Variants in SOS1 observed in about 807,000 individuals in gnomAD.
The protein encoded by SOS1 is SOS Ras/Rac guanine nucleotide exchange factor 1.
Under a neutral mutation model 157.6 loss-of-function variants are expected in SOS1, and 25 were observed. That is an observed-to-expected ratio of 0.16 (90% CI 0.12 to 0.22). The LOEUF (loss-of-function observed/expected upper bound fraction) is 0.22. Among genes scored for constraint, SOS1 ranks in the 10% least tolerant of loss-of-function variants. The probability of loss-of-function intolerance (pLI) is 1.00; values close to 1 mark genes in which losing one functional copy is unlikely to be tolerated. For synonymous variants in SOS1, 528 were observed against 534.0 expected (o/e 0.99, Z 0.16); for missense variants, 1,237 against 1,599.1 (o/e 0.77, Z 3.86).
intron 1 of SOS1, among the ~76,000 whole-genome samples, chr2:39,072,558 G>A (rs539559948): frequency 1.3e-5 from 2 of 152,236 alleles, no homozygotes; most frequent in African/African-American, 4.8e-5. Flanking sequence ...AAATGCAATG[G>A]TTAAAGACAA....
At chr2:39,084,055 C>A (rs187747968) in intron 1 of SOS1, among the ~76,000 whole-genome samples, 5 of 152,200 alleles carry the variant, frequency 3.3e-5, no homozygotes, top group Admixed American at 3.3e-4. Context: ...CGTGAAGAAA[C>A]AGGGAGAAGA....
At chr2:38,997,606 ATT>A (rs4015854) in intron 17 of SOS1, among the ~76,000 whole-genome samples, 181 bp from the exon 18 acceptor site, 2 of 146,298 alleles carry the variant, frequency 1.4e-5, no homozygotes. Flanking sequence ...AAAGACTTAA[ATT>A]TTTTTTTTTT....
At chr2:39,089,019 T>C (rs1572884064) in intron 1 of SOS1, among the ~76,000 whole-genome samples, 1 of 152,340 alleles carries the variant, frequency 6.6e-6, no homozygotes, top group Admixed American at 6.5e-5. Flanking sequence ...CCACCCTAAT[T>C]GGTATGAAGT....
In SOS1 at chr2:39,067,642, C is replaced by A; in HGVS notation, c.199G>T (p.Ala67Ser). ...ATTTGTCATACCTCTACATCTGAAG[C>A]ACTTCGGGGCTGAGCTTGGCATAGC... ...NMLCQAQPRS[A>S]SDVEERVQKS... Residue 67 changes from alanine (A) to serine (S), a missense_variant, in exon 2 of 23, where the codon GCT becomes TCT. Physicochemically the swap from Ala to Ser is moderately conservative, Grantham distance 99. Coordinates refer to ENST00000402219, the MANE Select transcript of SOS1 (RefSeq NM_005633.4). The A allele has an allele frequency of 6.2e-7, 1 of 1,613,430 alleles. No homozygotes were observed. Among genetic ancestry groups the A allele is most frequent in the Non-Finnish European group, 8.5e-7 (1 of 1,179,414 alleles).
intron 8 of SOS1, among the ~76,000 whole-genome samples, chr2:39,026,205 A>G (rs537600142): frequency 6.6e-6 from 1 of 152,122 alleles, no homozygotes; most frequent in East Asian, 1.9e-4. Flanking sequence ...AAATACAAAA[A>G]TTAGCTGGGT....
chr2:39,076,581 C>CATGGTTCCT (rs1672007224), intron 1 of SOS1, among the ~76,000 whole-genome samples: 1 of 152,108 alleles, frequency 6.6e-6, no homozygotes, highest in South Asian at 2.1e-4. Context: ...GGTAACAATT[C>CATGGTTCCT]ATGGTTCCTA....
At chr2:39,073,161 C>T (rs548713640) in intron 1 of SOS1, among the ~76,000 whole-genome samples, 1 of 152,324 alleles carries the variant, frequency 6.6e-6, no homozygotes, top group Admixed American at 6.5e-5. Context: ...TTATTTAACT[C>T]TATACAGAAT....
intron 6 of SOS1, among the ~76,000 whole-genome samples, chr2:39,039,249 C>T (rs147881892): frequency 6.6e-6 from 1 of 152,164 alleles, no homozygotes; most frequent in Admixed American, 6.5e-5. Context: ...GTGACATTCA[C>T]TTTATTGCAG....
At chr2:39,100,953 G>GAAAAAC (rs1232487649) in intron 1 of SOS1, among the ~76,000 whole-genome samples, 1 of 152,112 alleles carries the variant, frequency 6.6e-6, no homozygotes, top group Non-Finnish European at 1.5e-5. Flanking sequence ...GAGACATGGA[G>GAAAAAC]AAAAACAAAA....
chr2:38,987,747 A>C, intron 21 of SOS1, 156 bp from the exon 22 acceptor site: 2 of 608,164 alleles, frequency 3.3e-6, no homozygotes, highest in Non-Finnish European at 5.9e-6. Context: ...TATTTCATTA[A>C]AGCAAACTGC....
intron 1 of SOS1, among the ~76,000 whole-genome samples, chr2:39,088,234 CT>C (rs1156309840): frequency 5.7e-5 from 7 of 121,888 alleles, no homozygotes; most frequent in Non-Finnish European, 8.2e-5. Context: ...AAGCTTTTTT[CT>C]TTTTTTTTAA....
chr2:39,029,687 T>G (rs1670090312), intron 8 of SOS1, among the ~76,000 whole-genome samples: 1 of 152,028 alleles, frequency 6.6e-6, no homozygotes, highest in African/African-American at 2.4e-5. Context: ...AATTAAAAAT[T>G]GGAGTAATAC....
chr2:39,045,632 C>T (rs920501134), intron 6 of SOS1, among the ~76,000 whole-genome samples: 1 of 152,138 alleles, frequency 6.6e-6, no homozygotes, highest in African/African-American at 2.4e-5. Flanking sequence ...GATATTTCAT[C>T]CCTTTATCTT....
intron 5 of SOS1, among the ~76,000 whole-genome samples, chr2:39,053,427 C>T (rs755551664): frequency 6.6e-6 from 1 of 152,082 alleles, no homozygotes; most frequent in Non-Finnish European, 1.5e-5. Flanking sequence ...TCCTCAGAAA[C>T]CTTTGCCTCT....
intron 6 of SOS1, among the ~76,000 whole-genome samples, chr2:39,036,608 CTG>C (rs1449549515): frequency 6.6e-6 from 1 of 151,824 alleles, no homozygotes; most frequent in African/African-American, 2.4e-5. Flanking sequence ...GAGTCTCCCT[CTG>C]TCGGCCAGGC....
chr2:39,007,201 TAAAA>T lies in SOS1; in HGVS notation c.2511-12_2511-9del. On this transcript the variant is annotated splice_polypyrimidine_tract_variant and intron_variant, in intron 15 of 22. Coordinates refer to ENST00000402219, the MANE Select transcript of SOS1 (RefSeq NM_005633.4). ...TCAGTTTCTACAATACATCTGGGAATAAAAAAAAAGTGAACTAAAGGTTTTAGAG... is the reference window on the plus strand; with the variant it reads ...TCAGTTTCTACAATACATCTGGGAATAAAAAGTGAACTAAAGGTTTTAGAG... 1 of 1,541,814 alleles carries T rather than the reference TAAAA, an allele frequency of 6.5e-7. No individual in the cohort carries two copies. Among genetic ancestry groups the T allele is most frequent in the Non-Finnish European group, 8.9e-7 (1 of 1,117,920 alleles).
chr2:39,100,128 T>C (rs1444706449), intron 1 of SOS1, among the ~76,000 whole-genome samples: 1 of 152,276 alleles, frequency 6.6e-6, no homozygotes, highest in African/African-American at 2.4e-5. Context: ...TGAGATATCA[T>C]CTCACACCTG....
rs141067166 is a variant in SOS1 at position 39,116,597 on chromosome 2, A to G, written c.87+3739T>C. 1.1e-4 allele frequency among the ~76,000 whole-genome samples: 16 copies of G among 152,346 alleles called. No homozygotes were observed. The East Asian group carries it at 2.1e-3, about 20-fold the overall frequency. ...CCTACTTAAAACTTATTGGCTGGGCACAGTGGCTCACCCTGTAATCCTAGC... is the reference window on the plus strand; with the variant it reads ...CCTACTTAAAACTTATTGGCTGGGCGCAGTGGCTCACCCTGTAATCCTAGC... On this transcript the variant is annotated intron_variant, in intron 1 of 22. Coordinates refer to ENST00000402219, the MANE Select transcript of SOS1 (RefSeq NM_005633.4).
intron 6 of SOS1, among the ~76,000 whole-genome samples, chr2:39,040,939 CTGTTTTA>C (rs1328035759): frequency 1.3e-5 from 2 of 152,194 alleles, no homozygotes; most frequent in African/African-American, 4.8e-5. Context: ...AGCAGTTGCT[CTGTTTTA>C]TATTTCTATC....
Sources: allele counts gnomAD v4.1 joint callset (sites outside exome capture counted in the v4.1 genomes callset), GRCh38; gene constraint gnomAD v4.1.1; transcripts MANE v1.5; gene names NCBI Gene and HGNC (gene_info 2026-07-23, HGNC 2026-07-21).